RAB38: variants seen among roughly 807,000 people sequenced by gnomAD.
RAB38 encodes the protein RAB38, member RAS oncogene family, also known as ras-related protein Rab-38.
In RAB38, 15 loss-of-function variants were observed where a neutral mutation model predicts 18.4. The ratio of observed to expected loss-of-function variants is 0.82; its 90% CI spans 0.55 to 1.26. The LOEUF is 1.26. RAB38 is among the 50% of genes most tolerant of loss of function. The pLI is 0.00. For synonymous variants in RAB38, 101 were observed against 104.4 expected (o/e 0.97, Z 0.20); for missense variants, 294 against 267.4 (o/e 1.10, Z -0.69).
the RAB38 span, among the ~76,000 whole-genome samples, chr11:88,034,210 T>C: frequency 1.3e-5 from 2 of 152,246 alleles, no homozygotes; most frequent in South Asian, 4.1e-4. Flanking sequence ...AATTGCTGAG[T>C]AATATTCCAT....
intron 2 of RAB38, among the ~76,000 whole-genome samples, chr11:88,124,377 GAC>G (rs1382118447): frequency 6.6e-6 from 1 of 152,042 alleles, no homozygotes; most frequent in African/African-American, 2.4e-5. Flanking sequence ...CTACTCTTCT[GAC>G]AAAAGGCTAA....
At chr11:88,025,626 G>C in the RAB38 span, among the ~76,000 whole-genome samples, 3 of 152,126 alleles carry the variant, frequency 2.0e-5, no homozygotes, top group Non-Finnish European at 4.4e-5. Flanking sequence ...CTGATAATAA[G>C]TGATATGGAG....
the RAB38 span, among the ~76,000 whole-genome samples, chr11:88,091,778 TG>T: frequency 6.6e-6 from 1 of 151,944 alleles, no homozygotes; most frequent in Admixed American, 6.6e-5. Flanking sequence ...AAGTGAGAGC[TG>T]GTAGTGTTAG....
chr11:87,904,582 ATTT>A, the RAB38 span, among the ~76,000 whole-genome samples: 1 of 151,382 alleles, frequency 6.6e-6, no homozygotes, highest in Admixed American at 6.6e-5. Flanking sequence ...TGGTAAAATG[ATTT>A]TTTTTAATAT....
At chr11:87,867,791 A>G in the RAB38 span, among the ~76,000 whole-genome samples, 1 of 151,798 alleles carries the variant, frequency 6.6e-6, no homozygotes, top group Non-Finnish European at 1.5e-5. Flanking sequence ...GACTCTTAAC[A>G]GGTAAGTGAA....
chr11:88,164,451 T>C (rs183344726), intron 1 of RAB38, among the ~76,000 whole-genome samples: 2 of 152,168 alleles, frequency 1.3e-5, no homozygotes, highest in Admixed American at 6.5e-5. Flanking sequence ...GTTTCTGTGA[T>C]GAAAAGCAAA....
chr11:88,118,036 G>C (rs1266313198), intron 2 of RAB38, among the ~76,000 whole-genome samples: 1 of 152,170 alleles, frequency 6.6e-6, no homozygotes, highest in Non-Finnish European at 1.5e-5. Context: ...CCAGCTGTGA[G>C]CTCAGGGAGA....
At chr11:87,947,352 G>C in the RAB38 span, among the ~76,000 whole-genome samples, 1 of 148,374 alleles carries the variant, frequency 6.7e-6, no homozygotes, top group Non-Finnish European at 1.5e-5. Flanking sequence ...TGTTCACTCT[G>C]ATGGTAGTTT....
chr11:87,807,313 C>T, the RAB38 span, among the ~76,000 whole-genome samples: 37 of 152,286 alleles, frequency 2.4e-4, no homozygotes, highest in Middle Eastern at 3.4e-3. Context: ...TAAAGTTTTC[C>T]ACATGACACA....
the RAB38 span, among the ~76,000 whole-genome samples, chr11:87,841,440 A>G: frequency 6.6e-6 from 1 of 152,160 alleles, no homozygotes; most frequent in Non-Finnish European, 1.5e-5. Flanking sequence ...ACAATCAGCT[A>G]TCTTTACTAT....
the RAB38 span, among the ~76,000 whole-genome samples, chr11:88,011,600 A>G: frequency 1.3e-5 from 2 of 152,196 alleles, no homozygotes. Context: ...AGAAAATTAA[A>G]AAGAGTAAAT....
At chr11:88,074,970 A>G in the RAB38 span, among the ~76,000 whole-genome samples, 1 of 152,232 alleles carries the variant, frequency 6.6e-6, no homozygotes, top group Admixed American at 6.5e-5. Context: ...ATGACACTAT[A>G]TAATGATAAA....
At chr11:88,167,332 A>T (rs1943257418) in intron 1 of RAB38, 1 of 152,154 alleles carries the variant, frequency 6.6e-6, no homozygotes, top group South Asian at 2.1e-4. Context: ...TGAATGACAA[A>T]TGAGTGACAG....
chr11:88,107,068 G>A, the RAB38 span, among the ~76,000 whole-genome samples: 1,964 of 152,162 alleles, frequency 0.013, 23 homozygotes, highest in Non-Finnish European at 0.021. Context: ...GATGCATCAA[G>A]GGAAACAATA....
the RAB38 span, among the ~76,000 whole-genome samples, chr11:87,811,802 T>C: frequency 6.6e-6 from 1 of 152,178 alleles, no homozygotes; most frequent in Non-Finnish European, 1.5e-5. Context: ...TCATATTTTA[T>C]ATATTAAGTA....
the RAB38 span, among the ~76,000 whole-genome samples, chr11:88,060,006 T>A: frequency 6.6e-6 from 1 of 152,230 alleles, no homozygotes; most frequent in African/African-American, 2.4e-5. Flanking sequence ...ACATTCAATT[T>A]TATGAACACT....
chr11:88,041,970 T>C, the RAB38 span, among the ~76,000 whole-genome samples: 2 of 152,048 alleles, frequency 1.3e-5, no homozygotes, highest in African/African-American at 4.8e-5. Context: ...CTTATTAAAA[T>C]GGAGAACTAG....
the RAB38 span, among the ~76,000 whole-genome samples, chr11:87,972,674 C>T: frequency 1.3e-5 from 2 of 152,076 alleles, no homozygotes; most frequent in African/African-American, 4.8e-5. Context: ...TCTGTCTTTG[C>T]AACGAAGTTT....
chr11:87,962,523 A>T, the RAB38 span, among the ~76,000 whole-genome samples: 1 of 152,088 alleles, frequency 6.6e-6, no homozygotes, highest in African/African-American at 2.4e-5. Flanking sequence ...GGGAAGAAGG[A>T]TATGCTGGTC....
Sources: allele counts gnomAD v4.1 joint callset (sites outside exome capture counted in the v4.1 genomes callset), GRCh38; gene constraint gnomAD v4.1.1; transcripts MANE v1.5; gene names NCBI Gene and HGNC (gene_info 2026-07-23, HGNC 2026-07-21).